The following ANPEP variants were observed in gnomAD, a reference collection of about 807,000 sequenced individuals.
ANPEP encodes alanyl aminopeptidase, membrane, also known as aminopeptidase N.
Under a neutral mutation model 114.6 loss-of-function variants are expected in ANPEP, and 70 were observed. That is an observed-to-expected ratio of 0.61 (90% CI 0.50 to 0.75). The LOEUF is 0.75. ANPEP is among the 30% of genes least tolerant of loss of function. The probability of loss-of-function intolerance (pLI) is 0.00; values close to 1 mark genes in which losing one functional copy is unlikely to be tolerated. For synonymous variants in ANPEP, 548 were observed against 522.3 expected (o/e 1.05, Z -0.67); for missense variants, 1,184 against 1,259.5 (o/e 0.94, Z 0.91).
At chr15:89,788,655 C>A (rs1044471611) in intron 20 of ANPEP, among the ~76,000 whole-genome samples, 7 of 152,088 alleles carry the variant, frequency 4.6e-5, no homozygotes, top group Non-Finnish European at 4.4e-5. Flanking sequence ...GGCTGGAATG[C>A]GGTGGCACCA....
intron 10 of ANPEP, among the ~76,000 whole-genome samples, chr15:89,801,990 G>GGTTAT (rs1894603403): frequency 6.6e-6 from 1 of 152,078 alleles, no homozygotes; most frequent in African/African-American, 2.4e-5. Flanking sequence ...GGTGGGGGAC[G>GGTTAT]GGGCCCTGGG....
At chr15:89,796,918 A>G (rs2141798232) in intron 15 of ANPEP, among the ~76,000 whole-genome samples, 1 of 152,304 alleles carries the variant, frequency 6.6e-6, no homozygotes, top group Middle Eastern at 3.4e-3. Context: ...ACGTTTAAGT[A>G]TTTGTGTTTT....
At chr15:89,791,151 T>A in intron 18 of ANPEP, 58 bp from the exon 19 acceptor site, 1 of 1,593,874 alleles carries the variant, frequency 6.3e-7, no homozygotes, top group Non-Finnish European at 8.6e-7. Context: ...AGGAGAGAAC[T>A]TGGACTGTCC....
At position 89,806,782 on chromosome 15, in the gene ANPEP, G is replaced by A; in HGVS notation, c.-199C>T. On this transcript the variant is annotated 5_prime_UTR_variant, in exon 2 of 21. Coordinates refer to ENST00000300060, the MANE Select transcript of ANPEP (RefSeq NM_001150.3). This position sits in a 1 kb window ranked among gnomAD's most constrained non-coding sequence, Gnocchi z 5.7. ...TGGGGAGAGGAGATCCAGGAACGGT[G>A]TGTGGAGCTGGGCTCGGGGGGTGCC... 4.7e-6 allele frequency: 4 copies of A among 849,222 alleles called. No individual in the cohort carries two copies. The highest frequency in any genetic ancestry group is 2.0e-5 in the South Asian group (1 of 48,926). 52.6% of individuals were successfully genotyped at this position (849,222 alleles called of 1,614,324 possible).
intron 10 of ANPEP, chr15:89,802,326 G>C: frequency 6.6e-6 from 1 of 152,292 alleles, no homozygotes; most frequent in East Asian, 1.9e-4. Flanking sequence ...TAGTGGGGGA[G>C]ACCCAGGCAA....
At position 89,792,107 on chromosome 15, in the gene ANPEP, G is replaced by A. The variant is rs902237060; in HGVS notation, c.2528+53C>T. ...GGCGAGGAGTGTGGAGGCCTGCCTG[G>A]TTCTCCAGGTGGGGAGAGGGCTCTC... On this transcript the variant is annotated intron_variant, in intron 18 of 20. Transcript: ENST00000300060. 6 of 1,577,392 alleles carry A rather than the reference G, an allele frequency of 3.8e-6. No homozygotes were observed. In the African/African-American group the frequency reaches 5.4e-5, roughly 14 times the overall value.
chr15:89,808,151 C>T (rs1471466005), intron 1 of ANPEP, among the ~76,000 whole-genome samples: 2 of 152,226 alleles, frequency 1.3e-5, no homozygotes, highest in Non-Finnish European at 2.9e-5. Flanking sequence ...GCCTCTTCCC[C>T]CCTGTTGCAG....
chr15:89,793,012 A>C (rs1321031413), intron 16 of ANPEP, 23 bp downstream of exon 16: 2 of 1,605,998 alleles, frequency 1.2e-6, no homozygotes, highest in African/African-American at 2.7e-5. Flanking sequence ...AGGACTTCCA[A>C]ACCCATGAGA....
chr15:89,792,133 G>T, intron 18 of ANPEP, 27 bp downstream of exon 18: 1 of 1,599,586 alleles, frequency 6.3e-7, no homozygotes, highest in African/African-American at 1.3e-5. Context: ...GAGGGCTCTC[G>T]CAGTCCCACC....
chr15:89,789,775 C>CAAAAAAAAAA (rs57965822), intron 20 of ANPEP, among the ~76,000 whole-genome samples: 12 of 97,474 alleles, frequency 1.2e-4, no homozygotes, highest in South Asian at 3.6e-4. Context: ...GACTCAGTCT[C>CAAAAAAAAAA]AAAAAAAAAA....
In ANPEP at chr15:89,803,812, C is replaced by A; in HGVS notation, c.1294-22G>T. On this transcript the variant is annotated intron_variant, in intron 7 of 20. Coordinates refer to ENST00000300060, the MANE Select transcript of ANPEP (RefSeq NM_001150.3). This position sits in a 1 kb window ranked among gnomAD's most constrained non-coding sequence, Gnocchi z 4.2. ...CTTTCTGCAAATTCCCCAGGGCCAT[C>A]AGGAGACTGGCCTGGTAGCGGTGGC... 1 of 1,610,538 alleles carries A rather than the reference C, an allele frequency of 6.2e-7. No individual in the cohort carries two copies. Among genetic ancestry groups the A allele is most frequent in the Non-Finnish European group, 8.5e-7 (1 of 1,177,350 alleles).
At chr15:89,814,104 A>C (rs1894865091) in intron 1 of ANPEP, among the ~76,000 whole-genome samples, 1 of 151,694 alleles carries the variant, frequency 6.6e-6, no homozygotes, top group South Asian at 2.1e-4. Flanking sequence ...GATCTGTCTC[A>C]GTTGCTCACC....
chr15:89,805,488 G>T (rs748054032), intron 2 of ANPEP, 25 bp from the exon 3 acceptor site: 8 of 1,612,876 alleles, frequency 5.0e-6, no homozygotes, highest in South Asian at 4.4e-5. Flanking sequence ...AGGTTAGAGG[G>T]TGTGCCAGAG....
At chr15:89,804,216 T>A (rs761718547) in intron 6 of ANPEP, 37 bp downstream of exon 6, 4 of 1,605,146 alleles carry the variant, frequency 2.5e-6, no homozygotes, top group Non-Finnish European at 8.5e-7. Flanking sequence ...TCGGAGCCCC[T>A]GTTTCCTTCT....
rs771349461 is a variant in ANPEP, at chr15:89,785,039, G to A, written c.*310C>T. On this transcript the variant is annotated 3_prime_UTR_variant, in exon 21 of 21. Transcript: ENST00000300060. ...CCAGCAAGGCCGTTCATTGTCCATC[G>A]AGAGCTTCTGCTCATCTGGCCCTGG... The A allele has an allele frequency of 1.3e-4, 43 of 333,950 alleles. No homozygotes were observed. In the East Asian group the frequency reaches 1.4e-3, roughly 11 times the overall value. The allele number at this position is 333,950 out of a possible 1,614,324, so 20.7% of individuals were successfully genotyped here.
intron 14 of ANPEP, among the ~76,000 whole-genome samples, chr15:89,798,187 G>A (rs1968766431): frequency 6.6e-6 from 1 of 152,142 alleles, no homozygotes; most frequent in African/African-American, 2.4e-5. Flanking sequence ...CTTGTCTGTG[G>A]GTGACATCAC....
rs1280492637 is a variant in ANPEP at position 89,803,122 on chromosome 15, G to T, written c.1569+117C>A. ...GAGCAACAGAGGCTCCATCCACCCTGCAGGGCTGGTCAGCCGCGGAGCTGG... is the reference window on the plus strand; with the variant it reads ...GAGCAACAGAGGCTCCATCCACCCTTCAGGGCTGGTCAGCCGCGGAGCTGG... On this transcript the variant is annotated intron_variant, in intron 10 of 20. Transcript: ENST00000300060. The surrounding 1 kb of genome is among the most constrained non-coding windows in gnomAD (Gnocchi z 4.2). 2.5e-6 allele frequency: 3 copies of T among 1,179,394 alleles called. No individual in the cohort carries two copies. The highest frequency in any genetic ancestry group is 3.8e-6 in the Non-Finnish European group (3 of 793,702). 73.1% of individuals were successfully genotyped at this position (1,179,394 alleles called of 1,614,324 possible).
intron 20 of ANPEP, among the ~76,000 whole-genome samples, chr15:89,786,236 A>T (rs72754563): frequency 0.15 from 22,185 of 152,158 alleles, 1,752 homozygotes; most frequent in Middle Eastern, 0.18. Context: ...AAAACTACAA[A>T]ACATTTTTGA....
At position 89,806,012 on chromosome 15, in the gene ANPEP, G is replaced by C. The variant is rs148796695; in HGVS notation, c.572C>G (p.Ala191Gly). The change falls in exon 2 of 21, where the codon GCG becomes GGG. Residue 191 changes from alanine to glycine, a missense_variant. Coordinates refer to ENST00000300060, the MANE Select transcript of ANPEP (RefSeq NM_001150.3). The surrounding 1 kb of genome is among the most constrained non-coding windows in gnomAD (Gnocchi z 5.7). ...EFEGELADDL[A>G]GFYRSEYMEG... ...CATGTACTCGCTGCGGTAGAAGCCC[G>C]CCAGGTCATCTGCCAACTCCCCCTC... is the stretch of plus-strand genomic sequence containing the variant. The C allele has an allele frequency of 6.2e-7, 1 of 1,608,036 alleles. No homozygotes were observed. Among genetic ancestry groups the C allele is most frequent in the East Asian group, 2.2e-5 (1 of 44,724 alleles).
Sources: gnomAD v4.1 joint callset for allele counts (sites outside exome capture counted in the v4.1 genomes callset) on GRCh38, gnomAD v4.1.1 for gene constraint, Gnocchi (gnomAD v3.1) non-coding constraint, MANE v1.5 for transcripts, NCBI Gene and HGNC (gene_info 2026-07-23, HGNC 2026-07-21) for gene names.